The following CTCF variants were observed in gnomAD, a reference collection of about 807,000 sequenced individuals.
CTCF encodes the protein CCCTC-binding factor, also known as transcriptional repressor CTCF.
CTCF carries 7 observed loss-of-function variants against 72.3 expected under a neutral mutation model. That is an observed-to-expected ratio of 0.10 (90% CI 0.06 to 0.18). CTCF has a LOEUF of 0.18. Among genes scored for constraint, CTCF ranks in the 10% least tolerant of loss-of-function variants. The pLI is 1.00. For missense variants in CTCF, 516 were observed against 949.1 expected, an observed-to-expected ratio of 0.54 and a Z score of 6.00; for synonymous variants, 374 against 315.8, an observed-to-expected ratio of 1.18 and a Z score of -1.95.
chr16:67,636,253 G>A (rs1471935215), intron 10 of CTCF, among the ~76,000 whole-genome samples: 2 of 152,018 alleles, frequency 1.3e-5, no homozygotes, highest in Non-Finnish European at 2.9e-5. Flanking sequence ...GCGTATGCCT[G>A]TAGTCACAGC....
chr16:67,611,907 A>T (rs1236515852), intron 3 of CTCF, 44 bp from the exon 4 acceptor site: 1 of 1,547,116 alleles, frequency 6.5e-7, no homozygotes, highest in East Asian at 2.2e-5. Context: ...TAATCTTAAC[A>T]CTTTGAAACT....
At chr16:67,617,965 A>G (rs568950208) in intron 5 of CTCF, among the ~76,000 whole-genome samples, 140 of 152,362 alleles carry the variant, frequency 9.2e-4, no homozygotes, top group African/African-American at 3.1e-3. Context: ...ATTGTTTATC[A>G]TTGGGAAATT....
intron 2 of CTCF, among the ~76,000 whole-genome samples, chr16:67,598,217 A>G (rs996595206): frequency 5.3e-5 from 8 of 152,102 alleles, no homozygotes; most frequent in Non-Finnish European, 1.2e-4. Context: ...TGCTCAAGCA[A>G]TCCACTCTCC....
Position 67,611,048 on chromosome 16 carries a change from G to T in CTCF, c.216G>T (p.Gln72His), listed in dbSNP as rs1413142440. The T allele has an allele frequency of 1.2e-6, 2 of 1,614,190 alleles. No individual in the cohort carries two copies. The highest frequency in any genetic ancestry group is 1.7e-6 in the Non-Finnish European group (2 of 1,180,036). ...AACAGCTGGACCCCACCCTTCTTCA[G>T]ATGAAGACTGAAGTAATGGAGGGCA... Reference protein sequence around the residue: ...MMEQLDPTLLQMKTEVMEGTV... With the variant: ...MMEQLDPTLLHMKTEVMEGTV... The change falls in exon 3 of 12, where the codon CAG becomes CAT. Residue 72 changes from glutamine (Q) to histidine (H), a missense_variant. Gln to His is a conservative substitution (Grantham distance 24, BLOSUM62 0). Transcript: ENST00000264010.
intron 5 of CTCF, among the ~76,000 whole-genome samples, chr16:67,618,990 T>C (rs1022880387): frequency 6.6e-6 from 1 of 152,238 alleles, no homozygotes; most frequent in Non-Finnish European, 1.5e-5. Context: ...GCCAGTGTGA[T>C]ATTGCAGTAG....
intron 2 of CTCF, among the ~76,000 whole-genome samples, chr16:67,580,742 G>C (rs919403895): frequency 3.5e-5 from 5 of 142,238 alleles, no homozygotes; most frequent in Non-Finnish European, 7.6e-5. Flanking sequence ...TGTACTTTTA[G>C]TAGAGGCACC....
chr16:67,607,722 A>G (rs1181197810), intron 2 of CTCF, among the ~76,000 whole-genome samples: 1 of 151,952 alleles, frequency 6.6e-6, no homozygotes, highest in African/African-American at 2.4e-5. Context: ...GCACAGTGCT[A>G]AAGAGTAAAA....
intron 2 of CTCF, among the ~76,000 whole-genome samples, chr16:67,590,960 CAAAAAAAAA>C (rs58183374): frequency 2.4e-4 from 13 of 55,130 alleles, no homozygotes; most frequent in Non-Finnish European, 4.3e-4. Flanking sequence ...GACTCTGTCT[CAAAAAAAAA>C]AAAAAAAAAA....
intron 2 of CTCF, among the ~76,000 whole-genome samples, chr16:67,599,500 C>T (rs2051859437): frequency 6.6e-6 from 1 of 152,184 alleles, no homozygotes; most frequent in Non-Finnish European, 1.5e-5. Context: ...CTTGCATCCT[C>T]ACACTCACCA....
At chr16:67,615,107 A>G (rs1664645866) in intron 4 of CTCF, 1 of 152,248 alleles carries the variant, frequency 6.6e-6, no homozygotes, top group Non-Finnish European at 1.5e-5. Flanking sequence ...ATGCTACTGC[A>G]CTACAACCTG....
rs774149940 is a variant in CTCF, at chr16:67,628,525, T to G, written c.1674T>G (p.Ser558=). ...PNFVPAAFVC[S]KCGKTFTRRN... is the part of the protein sequence containing the mutation. ...TCGTCCCTGCGGCTTTTGTCTGTTC[T>G]AAGTGTGGGAAAACATTTACACGTC... Residue 558 remains serine, a synonymous_variant, in exon 9 of 12, where the codon TCT becomes TCG. Coordinates refer to ENST00000264010, the MANE Select transcript of CTCF (RefSeq NM_006565.4). The G allele has an allele frequency of 4.5e-5, 72 of 1,614,106 alleles. No individual in the cohort carries two copies. In the South Asian group the frequency reaches 7.8e-4, roughly 17 times the overall value.
intron 2 of CTCF, among the ~76,000 whole-genome samples, chr16:67,574,994 T>C (rs1202376678): frequency 1.3e-5 from 2 of 152,204 alleles, no homozygotes; most frequent in African/African-American, 2.4e-5. Flanking sequence ...TTACAATTAC[T>C]AAGTATTGTT....
intron 7 of CTCF, among the ~76,000 whole-genome samples, chr16:67,626,165 C>T (rs903883968): frequency 1.3e-5 from 2 of 151,992 alleles, no homozygotes; most frequent in Non-Finnish European, 2.9e-5. Flanking sequence ...ATGGGCTGGG[C>T]GCAGTGGCTC....
chr16:67,584,861 C>T (rs1174491939), intron 2 of CTCF, among the ~76,000 whole-genome samples: 3 of 152,112 alleles, frequency 2.0e-5, no homozygotes, highest in Non-Finnish European at 2.9e-5. Flanking sequence ...CCTAGACTGG[C>T]TCTGAATAGT....
intron 2 of CTCF, among the ~76,000 whole-genome samples, chr16:67,606,334 G>C (rs78985530): frequency 6.6e-6 from 1 of 152,156 alleles, no homozygotes; most frequent in African/African-American, 2.4e-5. Context: ...TCAGGGTTCC[G>C]TTCAAATTCC....
At chr16:67,567,208 C>T (rs1567588565) in intron 1 of CTCF, among the ~76,000 whole-genome samples, 1 of 152,134 alleles carries the variant, frequency 6.6e-6, no homozygotes, top group South Asian at 2.1e-4. Flanking sequence ...TATCTTTGTG[C>T]ATTTTCTCAG....
chr16:67,588,710 A>G (rs747079227), intron 2 of CTCF, among the ~76,000 whole-genome samples: 8 of 152,000 alleles, frequency 5.3e-5, no homozygotes, highest in Non-Finnish European at 4.4e-5. Flanking sequence ...TTTTTGATAC[A>G]GATTCTCACT....
chr16:67,611,013 G>T lies in CTCF; in HGVS notation c.181G>T (p.Val61Leu). Residue 61 changes from valine (V) to leucine (L), a missense_variant, in exon 3 of 12, where the codon GTG becomes TTG. Val to Leu is a conservative substitution (Grantham distance 32, BLOSUM62 1). This residue lies in a region of CTCF where 148 missense variants were observed against 194.9 expected (regional missense o/e 0.76). Coordinates refer to ENST00000264010, the MANE Select transcript of CTCF (RefSeq NM_006565.4). ...VQDVNSSVQM[V>L]MMEQLDPTLL... is the part of the protein sequence containing the mutation. ...GGATGTCAACAGCAGTGTACAGATG[G>T]TGATGATGGAACAGCTGGACCCCAC... 2 of 1,614,070 alleles carry T rather than the reference G, an allele frequency of 1.2e-6. No homozygotes were observed. Among genetic ancestry groups the T allele is most frequent in the Non-Finnish European group, 1.7e-6 (2 of 1,179,944 alleles).
intron 2 of CTCF, among the ~76,000 whole-genome samples, chr16:67,609,078 C>T (rs897558179): frequency 5.3e-5 from 8 of 152,054 alleles, no homozygotes; most frequent in African/African-American, 1.9e-4. Flanking sequence ...AAAACATTGG[C>T]AGACCCGGGC....
Sources: allele counts gnomAD v4.1 joint callset (sites outside exome capture counted in the v4.1 genomes callset), GRCh38; gene constraint gnomAD v4.1.1; regional missense constraint gnomAD v4.1.1; transcripts MANE v1.5; gene names NCBI Gene and HGNC (gene_info 2026-07-23, HGNC 2026-07-21).